The following ACOXL variants were observed in gnomAD, a reference collection of about 807,000 sequenced individuals.
ACOXL encodes the protein acyl-CoA oxidase like.
ACOXL carries 70 observed loss-of-function variants against 71.9 expected under a neutral mutation model. The observed-to-expected ratio is 0.97, with a 90% confidence interval of 0.80 to 1.19. The LOEUF (loss-of-function observed/expected upper bound fraction) is 1.19. Among genes scored for constraint, ACOXL ranks in the 50% most tolerant of loss-of-function variants. The pLI, the probability that ACOXL is intolerant of heterozygous loss-of-function variation, is 0.00. For missense variants in ACOXL, 703 were observed against 736.3 expected, an observed-to-expected ratio of 0.95 and a Z score of 0.52; for synonymous variants, 253 against 281.6, an observed-to-expected ratio of 0.90 and a Z score of 1.02.
chr2:111,015,600 G>A (rs2064387217), intron 14 of ACOXL, among the ~76,000 whole-genome samples: 1 of 152,136 alleles, frequency 6.6e-6, no homozygotes, highest in Admixed American at 6.5e-5. Context: ...CTATGAGCCA[G>A]CAATTCCCTT....
At chr2:110,938,707 AAATG>A (rs113241463) in intron 12 of ACOXL, among the ~76,000 whole-genome samples, 5 of 149,040 alleles carry the variant, frequency 3.4e-5, no homozygotes, top group East Asian at 2.7e-4. Context: ...ATGAACGAAT[AAATG>A]AATGAATGAA....
At chr2:110,743,505 A>G (rs141580169) in intron 1 of ACOXL, among the ~76,000 whole-genome samples, 35 of 152,292 alleles carry the variant, frequency 2.3e-4, no homozygotes, top group African/African-American at 8.4e-4. Flanking sequence ...AACTAACATC[A>G]TGAAATAAGG....
At chr2:110,931,122 T>C (rs1198617774) in intron 11 of ACOXL, among the ~76,000 whole-genome samples, 3 of 152,334 alleles carry the variant, frequency 2.0e-5, no homozygotes, top group African/African-American at 4.8e-5. Flanking sequence ...ATGAGTTTCT[T>C]ATATCAGATT....
chr2:110,807,670 C>A (rs1366571459), intron 9 of ACOXL, among the ~76,000 whole-genome samples: 1 of 152,178 alleles, frequency 6.6e-6, no homozygotes, highest in Non-Finnish European at 1.5e-5. Flanking sequence ...AGGCACCCTG[C>A]CGGACAGTGA....
intron 13 of ACOXL, among the ~76,000 whole-genome samples, chr2:110,987,800 A>G (rs1415453295): frequency 6.6e-6 from 1 of 152,158 alleles, no homozygotes; most frequent in Non-Finnish European, 1.5e-5. Flanking sequence ...TCCATCCTGT[A>G]TATATGCCAC....
intron 3 of ACOXL, 94 bp downstream of exon 3, chr2:110,784,909 T>C: frequency 8.7e-7 from 1 of 1,148,202 alleles, no homozygotes; most frequent in East Asian, 2.7e-5. Context: ...TCTCAGTCTA[T>C]GTAGTGGCAC....
chr2:110,991,770 T>C (rs545186351), intron 13 of ACOXL, among the ~76,000 whole-genome samples: 1 of 152,290 alleles, frequency 6.6e-6, no homozygotes, highest in East Asian at 1.9e-4. Flanking sequence ...AGCTCCTACA[T>C]GTTAGGACTG....
intron 17 of ACOXL, among the ~76,000 whole-genome samples, chr2:111,115,157 T>C (rs1389404127): frequency 3.3e-5 from 5 of 152,210 alleles, no homozygotes. Flanking sequence ...AAGATATGGG[T>C]AAGCTTGAAG....
chr2:110,816,750 G>C (rs1320393383), intron 9 of ACOXL, among the ~76,000 whole-genome samples: 1 of 152,206 alleles, frequency 6.6e-6, no homozygotes, highest in Non-Finnish European at 1.5e-5. Context: ...GTGGCCTAAA[G>C]TATAGAGGAA....
intron 1 of ACOXL, among the ~76,000 whole-genome samples, chr2:110,753,181 G>A (rs925356648): frequency 6.6e-6 from 1 of 151,948 alleles, no homozygotes; most frequent in African/African-American, 2.4e-5. Flanking sequence ...CTTGCCATGT[G>A]ACACACCTGC....
intron 12 of ACOXL, among the ~76,000 whole-genome samples, chr2:110,964,212 GT>G (rs2061831399): frequency 6.6e-6 from 1 of 152,112 alleles, no homozygotes; most frequent in Non-Finnish European, 1.5e-5. Flanking sequence ...CTTCTGGGCT[GT>G]ATTTTAAGAT....
intron 12 of ACOXL, among the ~76,000 whole-genome samples, chr2:110,980,416 G>A (rs916843435): frequency 1.3e-5 from 2 of 152,224 alleles, no homozygotes; most frequent in East Asian, 3.8e-4. Flanking sequence ...TGGTGCAGGT[G>A]TGTGGGATGG....
intron 7 of ACOXL, 102 bp from the exon 8 acceptor site, chr2:110,801,549 GA>G: frequency 1.0e-6 from 1 of 997,950 alleles, no homozygotes; most frequent in Non-Finnish European, 1.5e-6. Flanking sequence ...AACAATTCTG[GA>G]AGTAAAATAA....
chr2:110,783,283 T>C (rs543310497), intron 2 of ACOXL, among the ~76,000 whole-genome samples: 2 of 152,320 alleles, frequency 1.3e-5, no homozygotes, highest in South Asian at 4.1e-4. Context: ...AACTATCTGC[T>C]TTAGTTGTCT....
At chr2:111,017,310 G>A (rs920214900) in intron 14 of ACOXL, among the ~76,000 whole-genome samples, 3 of 152,212 alleles carry the variant, frequency 2.0e-5, no homozygotes, top group African/African-American at 4.8e-5. Flanking sequence ...CTGCCATAGC[G>A]AGGAACTGTT....
Position 111,049,261 on chromosome 2 carries a change from C to A in ACOXL, c.1413C>A (p.Asp471Glu). The A allele has an allele frequency of 1.2e-6, 2 of 1,612,106 alleles. No homozygotes were observed. The highest frequency in any genetic ancestry group is 1.1e-5 in the South Asian group (1 of 91,028). Residue 471 changes from aspartate (D) to glutamate (E), a missense_variant, in exon 16 of 18, where the codon GAC becomes GAA. Physicochemically the swap from Asp to Glu is conservative, Grantham distance 45. Coordinates refer to ENST00000439055, the MANE Select transcript of ACOXL (RefSeq NM_001142807.4). ...QFSLAVKSCP[D>E]QEDQTLLMKF... ...CCCTAGCAGTGAAGAGCTGTCCTGACCAAGAGGACCAGACTTTGTTAATGA... is the reference window on the plus strand; with the variant it reads ...CCCTAGCAGTGAAGAGCTGTCCTGAACAAGAGGACCAGACTTTGTTAATGA...
chr2:110,914,486 A>G (rs2059765213), intron 11 of ACOXL, among the ~76,000 whole-genome samples: 1 of 152,360 alleles, frequency 6.6e-6, no homozygotes, highest in East Asian at 1.9e-4. Context: ...ATTCCCAATT[A>G]CTAATATTTT....
At chr2:111,100,741 G>A (rs1480173401) in intron 17 of ACOXL, 2 of 152,738 alleles carry the variant, frequency 1.3e-5, no homozygotes, top group South Asian at 2.1e-4. Flanking sequence ...CCCTTGCTGG[G>A]AAGTGGACAC....
rs1001287185 is a variant in ACOXL, at chr2:110,809,333, G to A, written c.753+3938G>A. 3.3e-5 allele frequency among the ~76,000 whole-genome samples: 5 copies of A among 152,220 alleles called. No individual in the cohort carries two copies. The South Asian group carries it at 8.3e-4, about 25-fold the overall frequency. ...GTCTGGGAGTGTGCCCAGGGCTGGG[G>A]CTGCAGAGTCACATGCAGCAGCTGA... On this transcript the variant is annotated intron_variant, in intron 9 of 17. Transcript: ENST00000439055.
Sources: allele counts gnomAD v4.1 joint callset (sites outside exome capture counted in the v4.1 genomes callset), GRCh38; gene constraint gnomAD v4.1.1; transcripts MANE v1.5; gene names NCBI Gene and HGNC (gene_info 2026-07-23, HGNC 2026-07-21).